Variants in NFIB observed in about 807,000 individuals in gnomAD.
NFIB encodes nuclear factor 1 B-type.
NFIB carries 11 observed loss-of-function variants against 61.5 expected under a neutral mutation model. That is an observed-to-expected ratio of 0.18 (90% confidence interval 0.11 to 0.30). The LOEUF (loss-of-function observed/expected upper bound fraction) is 0.30. NFIB is among the 10% of genes least tolerant of loss of function. The probability of loss-of-function intolerance (pLI) is 1.00; values close to 1 mark genes in which losing one functional copy is unlikely to be tolerated. For synonymous variants in NFIB, 260 were observed against 216.5 expected (o/e 1.20, Z -1.76); for missense variants, 471 against 608.9 (o/e 0.77, Z 2.38).
intron 1 of NFIB, among the ~76,000 whole-genome samples, chr9:14,376,215 T>C (rs894656843): frequency 3.3e-5 from 5 of 152,176 alleles, no homozygotes; most frequent in Admixed American, 6.5e-5. Context: ...GATGCCACCA[T>C]GTTCAGTTTA....
chr9:14,112,877 G>C, intron 10 of NFIB, 122 bp downstream of exon 10: 1 of 753,740 alleles, frequency 1.3e-6, no homozygotes, highest in Non-Finnish European at 2.1e-6. Flanking sequence ...GAAATGAAAT[G>C]ATCAGTTTTG....
the NFIB span, among the ~76,000 whole-genome samples, chr9:14,438,635 G>A: frequency 6.6e-6 from 1 of 152,130 alleles, no homozygotes; most frequent in Non-Finnish European, 1.5e-5. Context: ...GGCACCATTA[G>A]AAAACTCCAG....
the NFIB span, among the ~76,000 whole-genome samples, chr9:14,492,038 C>G: frequency 6.6e-6 from 1 of 152,064 alleles, no homozygotes; most frequent in Non-Finnish European, 1.5e-5. Context: ...TCTCATGCTG[C>G]TATGAAGAAA....
intron 6 of NFIB, among the ~76,000 whole-genome samples, chr9:14,145,340 A>G (rs1334286466): frequency 1.3e-5 from 2 of 152,112 alleles, no homozygotes; most frequent in Non-Finnish European, 2.9e-5. Flanking sequence ...CTTCTTTACT[A>G]GTTAAAATCT....
intron 2 of NFIB, among the ~76,000 whole-genome samples, chr9:14,268,704 G>T (rs192921284): frequency 6.6e-5 from 10 of 152,220 alleles, no homozygotes; most frequent in African/African-American, 1.2e-4. Context: ...TATGAATTAG[G>T]TGCTTAGTTT....
intron 3 of NFIB, among the ~76,000 whole-genome samples, chr9:14,175,163 A>ATTTTTTTTTTTTTT (rs375736787): frequency 7.8e-5 from 8 of 102,156 alleles, no homozygotes; most frequent in Admixed American, 1.2e-4. Flanking sequence ...GACTTAAAGA[A>ATTTTTTTTTTTTTT]TTTCTTTTTT....
the NFIB span, among the ~76,000 whole-genome samples, chr9:14,461,275 G>C: frequency 6.6e-5 from 10 of 152,296 alleles, no homozygotes; most frequent in Middle Eastern, 3.4e-3. Context: ...GAACATGAAT[G>C]AATCAATCCG....
At chr9:14,448,096 T>C in the NFIB span, among the ~76,000 whole-genome samples, 18 of 152,296 alleles carry the variant, frequency 1.2e-4, no homozygotes, top group South Asian at 1.2e-3. Flanking sequence ...ATAGATGGGA[T>C]TGAGAAAAAG....
chr9:14,321,764 C>T (rs958339496), intron 1 of NFIB, among the ~76,000 whole-genome samples: 4 of 152,156 alleles, frequency 2.6e-5, no homozygotes, highest in African/African-American at 9.7e-5. Flanking sequence ...CAAATTAGTT[C>T]TGCAAATGCA....
chr9:14,353,821 G>C (rs193119296), intron 1 of NFIB, among the ~76,000 whole-genome samples: 2 of 150,980 alleles, frequency 1.3e-5, no homozygotes, highest in Admixed American at 1.3e-4. Context: ...AGTCCAAATA[G>C]AGACTCTAGT....
At chr9:14,374,086 T>G (rs898828742) in intron 1 of NFIB, among the ~76,000 whole-genome samples, 4 of 152,230 alleles carry the variant, frequency 2.6e-5, no homozygotes, top group Admixed American at 1.3e-4. Context: ...GTCAGGGTTT[T>G]GAAGGCAAAA....
rs1224505515 is a variant in NFIB, at chr9:14,086,164, T to A, written c.*2145A>T. 4.5e-6 allele frequency: 1 copy of A among 223,860 alleles called. No individual in the cohort carries two copies. Among genetic ancestry groups the A allele is most frequent in the African/African-American group, 2.2e-5 (1 of 44,746 alleles). 13.9% of individuals were successfully genotyped at this position (223,860 alleles called of 1,614,324 possible). A position where few individuals can be genotyped will look rare whatever the true frequency, so the allele number is the denominator to read the frequency against. Reference sequence around the variant, plus strand: ...AAGTTTGTCACAGTAGGCAGAACAGTCGCTTTGCAGCCCAGGCCCATCTCA... The same window carrying A: ...AAGTTTGTCACAGTAGGCAGAACAGACGCTTTGCAGCCCAGGCCCATCTCA... On this transcript the variant is annotated 3_prime_UTR_variant, in exon 11 of 11. Transcript: ENST00000380953.
At chr9:14,370,261 C>G (rs1450397397) in intron 1 of NFIB, among the ~76,000 whole-genome samples, 2 of 152,204 alleles carry the variant, frequency 1.3e-5, no homozygotes, top group Non-Finnish European at 2.9e-5. Flanking sequence ...TCGCATTTAT[C>G]ATAGCACTTC....
At chr9:14,123,201 G>A (rs1039592568) in intron 7 of NFIB, among the ~76,000 whole-genome samples, 22 of 149,362 alleles carry the variant, frequency 1.5e-4, no homozygotes, top group Non-Finnish European at 7.4e-5. Flanking sequence ...AGGTTGCAGC[G>A]AGCCAAGATC....
In NFIB at chr9:14,088,147, T is replaced by A. The variant is rs13301482; in HGVS notation, c.*162A>T. 132,080 of 1,395,692 alleles carry A rather than the reference T, an allele frequency of 0.095. 8,353 individuals are homozygous for A. Among genetic ancestry groups the A allele is most frequent in the South Asian group, 0.24 (14,338 of 59,282 alleles). The allele number at this position is 1,395,692 out of a possible 1,614,324, so 86.5% of individuals were successfully genotyped here. ...GTCCAGTCTTCCTCTTTTCCTTTTT[T>A]TTTATTTAAAAAAAAAATTTCTTAA... On this transcript the variant is annotated 3_prime_UTR_variant, in exon 11 of 11. Transcript: ENST00000380953.
At chr9:14,224,270 G>C (rs1023097466) in intron 2 of NFIB, among the ~76,000 whole-genome samples, 2 of 152,152 alleles carry the variant, frequency 1.3e-5, no homozygotes, top group Non-Finnish European at 2.9e-5. Flanking sequence ...CTATTTTTCA[G>C]TTTCCACATG....
the NFIB span, among the ~76,000 whole-genome samples, chr9:14,444,454 T>C: frequency 6.6e-6 from 1 of 152,258 alleles, no homozygotes; most frequent in African/African-American, 2.4e-5. Context: ...AAAATAGAGT[T>C]TTGAAAGTCA....
chr9:14,321,710 C>T (rs1484491465), intron 1 of NFIB, among the ~76,000 whole-genome samples: 2 of 152,156 alleles, frequency 1.3e-5, no homozygotes, highest in African/African-American at 4.8e-5. Flanking sequence ...AAGAGTGTGT[C>T]ACATGTACTA....
chr9:14,377,003 C>A (rs2061428114), intron 1 of NFIB, among the ~76,000 whole-genome samples: 1 of 152,092 alleles, frequency 6.6e-6, no homozygotes, highest in Admixed American at 6.6e-5. Context: ...TTCAATCTGA[C>A]CAAAAAGATA....
Sources: gnomAD v4.1 joint callset for allele counts (sites outside exome capture counted in the v4.1 genomes callset) on GRCh38, gnomAD v4.1.1 for gene constraint, MANE v1.5 for transcripts, NCBI Gene and HGNC (gene_info 2026-07-23, HGNC 2026-07-21) for gene names.